Variants in CACNB2 observed in about 807,000 individuals in gnomAD.
CACNB2 encodes calcium voltage-gated channel auxiliary subunit beta 2, also known as voltage-dependent L-type calcium channel subunit beta-2.
A neutral mutation model predicts 73.3 loss-of-function variants in CACNB2; 42 were observed. The observed-to-expected ratio is 0.57, with a 90% CI of 0.45 to 0.74. The LOEUF is 0.74. Ranked by LOEUF, CACNB2 falls within the 30% of genes least tolerant of loss-of-function variation. The pLI, the probability that CACNB2 is intolerant of heterozygous loss-of-function variation, is 0.00. For synonymous variants in CACNB2, 348 were observed against 310.3 expected, an observed-to-expected ratio of 1.12 and a Z score of -1.28; for missense variants, 940 against 853.0, an observed-to-expected ratio of 1.10 and a Z score of -1.27.
intron 10 of CACNB2, among the ~76,000 whole-genome samples, chr10:18,528,351 C>G (rs953108797): frequency 6.6e-6 from 1 of 152,208 alleles, no homozygotes; most frequent in Non-Finnish European, 1.5e-5. Flanking sequence ...ATTGATCACA[C>G]TGAGACCCTT....
chr10:18,539,366 G>A lies in CACNB2; in HGVS notation c.1625G>A (p.Arg542His), dbSNP rs571637787. 52 of 1,614,044 alleles carry A rather than the reference G, an allele frequency of 3.2e-5. No individual in the cohort carries two copies. Among genetic ancestry groups the A allele is most frequent in the Middle Eastern group, 1.6e-4 (1 of 6,062 alleles). Reference protein sequence around the residue: ...SSSSAPHHNHRSGTSRGLSRQ... With the variant: ...SSSSAPHHNHHSGTSRGLSRQ... ...TCCTCAGCCCCACACCACAACCATCGCAGTGGGACAAGTCGCGGCCTCTCC... is the reference window on the plus strand; with the variant it reads ...TCCTCAGCCCCACACCACAACCATCACAGTGGGACAAGTCGCGGCCTCTCC... Residue 542 changes from arginine to histidine, a missense_variant, in exon 14 of 14, where the codon CGC (arginine) becomes CAC (histidine). By Grantham distance (29) the Arg-to-His change is conservative (BLOSUM62 0). Transcript: ENST00000324631.
At chr10:18,303,002 A>T (rs1481381918) in intron 2 of CACNB2, among the ~76,000 whole-genome samples, 1 of 152,118 alleles carries the variant, frequency 6.6e-6, no homozygotes, top group Non-Finnish European at 1.5e-5. Context: ...TCACACCTGT[A>T]ATCAGCTGTC....
chr10:18,344,406 G>C (rs1392451957), intron 2 of CACNB2, among the ~76,000 whole-genome samples: 1 of 148,510 alleles, frequency 6.7e-6, no homozygotes, highest in Non-Finnish European at 1.5e-5. Flanking sequence ...GTCTCACTCT[G>C]TCACCCAGGC....
chr10:18,516,510 A>G (rs185230007), intron 7 of CACNB2, among the ~76,000 whole-genome samples: 1 of 152,350 alleles, frequency 6.6e-6, no homozygotes, highest in East Asian at 1.9e-4. Context: ...GGAAATTTAC[A>G]TTCATAATTT....
In CACNB2 at chr10:18,525,180, T is replaced by A. The variant is rs2133212386; in HGVS notation, c.945-2408T>A. Among the ~76,000 whole-genome samples the A allele has an allele frequency of 2.8e-5, 3 of 108,668 alleles. 1 individual carries two copies. The South Asian group carries it at 8.3e-4, about 30-fold the overall frequency. The allele number at this position is 108,668 out of a possible 152,430, so 71.3% of individuals were successfully genotyped here. On this transcript the variant is annotated intron_variant, in intron 9 of 13. Coordinates refer to ENST00000324631, the MANE Select transcript of CACNB2 (RefSeq NM_201596.3). ...TTCTAGCCTGTTGCAGTGTAGATCT[T>A]TCTTTCTGTGCTGGGTGTCATTCTG... is the stretch of plus-strand genomic sequence containing the variant.
In CACNB2 at chr10:18,261,376, C is replaced by T. The variant is rs1256537832; in HGVS notation, c.213+110401C>T. ...AGCTGAAAATACTATTCGTGTCTGTCTGGTGCATGTTGCCTCTTTCAGCTG... is the reference window on the plus strand; with the variant it reads ...AGCTGAAAATACTATTCGTGTCTGTTTGGTGCATGTTGCCTCTTTCAGCTG... On this transcript the variant is annotated intron_variant, in intron 2 of 13. Transcript: ENST00000324631. The T allele has an allele frequency of 1.5e-5, 23 of 1,551,072 alleles. No individual in the cohort carries two copies. In the East Asian group the frequency reaches 5.4e-4, roughly 36 times the overall value.
In CACNB2 at chr10:18,515,622, T is replaced by A. The variant is rs1270854606; in HGVS notation, c.804+1253T>A. On this transcript the variant is annotated intron_variant, in intron 7 of 13. Transcript: ENST00000324631. ...TTTTAATAAGGGAAAACTTCAGCAC[T>A]CTGGGCAAAAATTGCAACACTTGGA... is the stretch of plus-strand genomic sequence containing the variant. Among the ~76,000 whole-genome samples, 6 of 152,262 alleles carry A rather than the reference T, an allele frequency of 3.9e-5. No individual in the cohort carries two copies. In the East Asian group the frequency reaches 1.2e-3, roughly 29 times the overall value.
intron 2 of CACNB2, among the ~76,000 whole-genome samples, chr10:18,363,501 T>C (rs143059722): frequency 6.6e-6 from 1 of 152,346 alleles, no homozygotes; most frequent in African/African-American, 2.4e-5. Flanking sequence ...TTTCTTGACA[T>C]GTCTGTCTTA....
intron 3 of CACNB2, among the ~76,000 whole-genome samples, chr10:18,456,275 G>A (rs766423851): frequency 9.9e-5 from 15 of 151,790 alleles, no homozygotes; most frequent in Admixed American, 2.6e-4. Context: ...GTTCGAGAAC[G>A]GCCTGACCAA....
At chr10:18,299,734 T>C (rs1486246550) in intron 2 of CACNB2, among the ~76,000 whole-genome samples, 12 of 151,988 alleles carry the variant, frequency 7.9e-5, no homozygotes, top group Non-Finnish European at 8.8e-5. Flanking sequence ...AAAAAAAAAC[T>C]TTCTTCACCT....
chr10:18,181,595 T>G (rs890414449), intron 2 of CACNB2, among the ~76,000 whole-genome samples: 2 of 144,430 alleles, frequency 1.4e-5, no homozygotes, highest in African/African-American at 2.6e-5. Context: ...TTATTTTATT[T>G]TATTTTATTT....
At chr10:18,493,785 C>A (rs542920135) in intron 3 of CACNB2, among the ~76,000 whole-genome samples, 1 of 152,264 alleles carries the variant, frequency 6.6e-6, no homozygotes, top group East Asian at 1.9e-4. Context: ...AGAATACCTT[C>A]CACATTGTAG....
chr10:18,180,086 G>A (rs529857936), intron 2 of CACNB2, among the ~76,000 whole-genome samples: 7 of 152,264 alleles, frequency 4.6e-5, no homozygotes, highest in South Asian at 2.1e-4. Flanking sequence ...GCGTATCAGC[G>A]TGTATTTATG....
intron 2 of CACNB2, among the ~76,000 whole-genome samples, chr10:18,152,725 AAAAAAAACAAAAAAC>A (rs1454717323): frequency 3.3e-4 from 43 of 129,910 alleles, no homozygotes; most frequent in African/African-American, 1.4e-3. Flanking sequence ...AAAAAAAAAA[AAAAAAAACAAAAAAC>A]AAAACACTAG....
At chr10:18,438,471 T>C (rs963572753) in intron 3 of CACNB2, among the ~76,000 whole-genome samples, 1 of 152,324 alleles carries the variant, frequency 6.6e-6, no homozygotes, top group African/African-American at 2.4e-5. Context: ...CCAAAATTGT[T>C]GATTGGCAGT....
At chr10:18,339,349 C>T (rs547650539) in intron 2 of CACNB2, among the ~76,000 whole-genome samples, 9 of 151,996 alleles carry the variant, frequency 5.9e-5, no homozygotes, top group Non-Finnish European at 8.8e-5. Flanking sequence ...GCTGAAACCC[C>T]GTAACTACTA....
intron 3 of CACNB2, among the ~76,000 whole-genome samples, chr10:18,435,673 A>AT (rs897628948): frequency 6.6e-6 from 1 of 151,626 alleles, no homozygotes; most frequent in Non-Finnish European, 1.5e-5. Context: ...TAATTTTTGT[A>AT]TTTTTTTGTA....
chr10:18,300,473 T>C (rs575423160), intron 2 of CACNB2, among the ~76,000 whole-genome samples: 4 of 152,370 alleles, frequency 2.6e-5, no homozygotes, highest in South Asian at 2.1e-4. Flanking sequence ...AAAGAGATCA[T>C]TGGAAATACT....
chr10:18,538,127 G>T lies in CACNB2; in HGVS notation c.1303-53G>T. The T allele has an allele frequency of 2.5e-6, 4 of 1,570,240 alleles. No individual in the cohort carries two copies. The South Asian group carries it at 3.3e-5, about 13-fold the overall frequency. The stretch of plus-strand genomic sequence containing the variant: ...CTTCCTCCTCTTATGGAGGTGGGAA[G>T]GGGGTGAAAACTGGGCTGGCATCAA... On this transcript the variant is annotated intron_variant, in intron 12 of 13. Transcript: ENST00000324631.
Sources: allele counts gnomAD v4.1 joint callset (sites outside exome capture counted in the v4.1 genomes callset), GRCh38; gene constraint gnomAD v4.1.1; transcripts MANE v1.5; gene names NCBI Gene and HGNC (gene_info 2026-07-23, HGNC 2026-07-21).